RALGAPA2: variants seen among roughly 807,000 people sequenced by gnomAD.
RALGAPA2 encodes ral GTPase-activating protein subunit alpha-2.
Under a neutral mutation model 230.4 loss-of-function variants are expected in RALGAPA2, and 139 were observed. The observed-to-expected ratio is 0.60, with a 90% CI of 0.53 to 0.69. RALGAPA2 has a LOEUF of 0.69. Ranked by LOEUF, RALGAPA2 falls within the 30% of genes least tolerant of loss-of-function variation. RALGAPA2 has a pLI of 0.00. For missense variants in RALGAPA2, 2,163 were observed against 2,276.0 expected (o/e 0.95, Z 1.01); for synonymous variants, 847 against 837.8 (o/e 1.01, Z -0.19).
In RALGAPA2 at chr20:20,583,391, C is replaced by T. The variant is rs80015460; in HGVS notation, c.2531-165G>A. On this transcript the variant is annotated intron_variant, in intron 19 of 39. Transcript: ENST00000202677. ...TTGAGAGGAGCTCAAAAAGTGTCCA[C>T]GTGGGGCTCTTGGTCAAGAAAATGA... 4.9e-3 allele frequency among the ~76,000 whole-genome samples: 752 copies of T among 152,294 alleles called. 9 individuals are homozygous for T. Among genetic ancestry groups the T allele is most frequent in the Non-Finnish European group, 6.9e-3 (469 of 68,014 alleles).
At chr20:20,650,203 C>A (rs2067351633) in intron 4 of RALGAPA2, among the ~76,000 whole-genome samples, 1 of 152,110 alleles carries the variant, frequency 6.6e-6, no homozygotes, top group Admixed American at 6.6e-5. Context: ...AGCAAGGAGC[C>A]AGCCATTAAA....
chr20:20,593,147 C>T (rs2065345373), intron 16 of RALGAPA2, among the ~76,000 whole-genome samples: 1 of 152,212 alleles, frequency 6.6e-6, no homozygotes, highest in East Asian at 1.9e-4. Context: ...AAGTAGTCCG[C>T]CCACCTCGGC....
intron 35 of RALGAPA2, among the ~76,000 whole-genome samples, chr20:20,501,912 G>A (rs553608543): frequency 7.2e-5 from 11 of 152,152 alleles, no homozygotes; most frequent in Admixed American, 3.9e-4. Flanking sequence ...GGGAACGGCC[G>A]GTGGGTGGAG....
Position 20,465,197 on chromosome 20 carries a change from A to ACACACACACT in RALGAPA2, c.5495+7631_5495+7632insAGTGTGTGTG, listed in dbSNP as rs772089136. Among the ~76,000 whole-genome samples, 114 of 147,410 alleles carry ACACACACACT rather than the reference A, an allele frequency of 7.7e-4. 1 individual carries two copies. Among genetic ancestry groups the ACACACACACT allele is most frequent in the South Asian group, 1.3e-3 (6 of 4,598 alleles). ...CACACACACACACACACACACACACACTCTCTCATACTAGGGGACAGCAGC... is the reference window on the plus strand; with the variant it reads ...CACACACACACACACACACACACACACACACACACTCTCTCTCATACTAGGGGACAGCAGC... On this transcript the variant is annotated intron_variant, in intron 37 of 39. Transcript: ENST00000202677.
intron 1 of RALGAPA2, among the ~76,000 whole-genome samples, chr20:20,692,923 GT>G (rs201762593): frequency 6.6e-6 from 1 of 152,154 alleles, no homozygotes; most frequent in East Asian, 1.9e-4. Context: ...TTATATTTGA[GT>G]TTTTTGTTAC....
rs1334210552 is a variant in RALGAPA2 at position 20,503,522 on chromosome 20, A to G, written c.5053-16T>C. On this transcript the variant is annotated splice_polypyrimidine_tract_variant and intron_variant, in intron 34 of 39. Coordinates refer to ENST00000202677, the MANE Select transcript of RALGAPA2 (RefSeq NM_020343.4). ...AGAGATCCACCTGACAAAGGTCACA[A>G]AGAAGAAAGAGTGAGGATCAAAAAT... The G allele has an allele frequency of 6.5e-7, 1 of 1,533,084 alleles. No homozygotes were observed. Among genetic ancestry groups the G allele is most frequent in the Non-Finnish European group, 8.8e-7 (1 of 1,139,370 alleles). The allele number at this position is 1,533,084 out of a possible 1,614,324, so 95.0% of individuals were successfully genotyped here.
chr20:20,507,296 C>T (rs565412462), intron 33 of RALGAPA2, among the ~76,000 whole-genome samples: 43 of 152,254 alleles, frequency 2.8e-4, no homozygotes, highest in African/African-American at 8.7e-4. Context: ...GACATTTTCA[C>T]GTTATCTTTA....
intron 15 of RALGAPA2, among the ~76,000 whole-genome samples, chr20:20,604,370 T>C (rs1463919794): frequency 6.6e-6 from 1 of 152,224 alleles, no homozygotes; most frequent in African/African-American, 2.4e-5. Context: ...TCATTTGAGG[T>C]TCTCAGTCCC....
intron 3 of RALGAPA2, among the ~76,000 whole-genome samples, chr20:20,657,206 C>G (rs769189428): frequency 6.6e-6 from 1 of 152,214 alleles, no homozygotes; most frequent in Non-Finnish European, 1.5e-5. Context: ...CCTCAGACCA[C>G]GAGGCAGAGC....
At chr20:20,460,747 G>A (rs1352565162) in intron 37 of RALGAPA2, among the ~76,000 whole-genome samples, 3 of 152,190 alleles carry the variant, frequency 2.0e-5, no homozygotes, top group Non-Finnish European at 4.4e-5. Flanking sequence ...GGAAACTGGC[G>A]GTTCAGCTCG....
At chr20:20,508,362 T>G (rs1239033471) in intron 33 of RALGAPA2, among the ~76,000 whole-genome samples, 1 of 152,204 alleles carries the variant, frequency 6.6e-6, no homozygotes, top group African/African-American at 2.4e-5. Context: ...AAATTAACAA[T>G]CTTCCCTTCC....
chr20:20,505,043 T>C (rs189234471), intron 34 of RALGAPA2: 2 of 985,318 alleles, frequency 2.0e-6, no homozygotes, highest in Non-Finnish European at 2.4e-6. Flanking sequence ...TCTTCATCTT[T>C]TCACCCATCA....
chr20:20,394,906 A>T (rs892470345), intron 39 of RALGAPA2, among the ~76,000 whole-genome samples: 1 of 151,248 alleles, frequency 6.6e-6, no homozygotes, highest in African/African-American at 2.4e-5. Flanking sequence ...AAAAAAAAAA[A>T]AAAAGGCAAG....
chr20:20,422,377 T>C (rs1405528283), intron 37 of RALGAPA2, among the ~76,000 whole-genome samples: 4 of 151,206 alleles, frequency 2.6e-5, no homozygotes, highest in African/African-American at 9.7e-5. Context: ...GGTGGGAAAA[T>C]CGCTTGGGGC....
intron 37 of RALGAPA2, among the ~76,000 whole-genome samples, chr20:20,444,856 G>C (rs1243406858): frequency 6.6e-6 from 1 of 152,222 alleles, no homozygotes; most frequent in Non-Finnish European, 1.5e-5. Flanking sequence ...GAAGATTCCA[G>C]AAGTAATTCG....
intron 3 of RALGAPA2, among the ~76,000 whole-genome samples, chr20:20,656,170 G>A (rs543079073): frequency 1.6e-4 from 24 of 152,212 alleles, no homozygotes; most frequent in Non-Finnish European, 3.5e-4. Context: ...GGAGGTATCC[G>A]TGAGCTGAGG....
chr20:20,595,264 T>A (rs1378954991), intron 16 of RALGAPA2, among the ~76,000 whole-genome samples: 1 of 152,200 alleles, frequency 6.6e-6, no homozygotes, highest in African/African-American at 2.4e-5. Flanking sequence ...ATAACCAAAA[T>A]TCTGAGTTCC....
intron 16 of RALGAPA2, among the ~76,000 whole-genome samples, chr20:20,595,303 C>A (rs2065418621): frequency 6.6e-6 from 1 of 152,094 alleles, no homozygotes; most frequent in African/African-American, 2.4e-5. Flanking sequence ...GTTGCATAAG[C>A]AAAATAAATA....
intron 37 of RALGAPA2, among the ~76,000 whole-genome samples, chr20:20,419,853 A>G (rs2060240870): frequency 6.6e-6 from 1 of 152,340 alleles, no homozygotes; most frequent in South Asian, 2.1e-4. Context: ...TTCAAGAGAT[A>G]TGTATTGAGT....
Sources: gnomAD v4.1 joint callset for allele counts (sites outside exome capture counted in the v4.1 genomes callset) on GRCh38, gnomAD v4.1.1 for gene constraint, MANE v1.5 for transcripts, NCBI Gene and HGNC (gene_info 2026-07-23, HGNC 2026-07-21) for gene names.